Variants in PTPRD observed in about 807,000 individuals in gnomAD.
The protein encoded by PTPRD is protein tyrosine phosphatase receptor type D, also known as receptor-type tyrosine-protein phosphatase delta.
A neutral mutation model predicts 214.5 loss-of-function variants in PTPRD; 34 were observed. The observed-to-expected ratio is 0.16, with a 90% CI of 0.12 to 0.21. The LOEUF (loss-of-function observed/expected upper bound fraction) is 0.21, where lower values mean the gene tolerates loss of function less well. PTPRD is among the 10% of genes least tolerant of loss of function. The pLI, the probability that PTPRD is intolerant of heterozygous loss-of-function variation, is 1.00. For missense variants in PTPRD, 2,545 were observed against 2,398.7 expected, an observed-to-expected ratio of 1.06 and a Z score of -1.27; for synonymous variants, 1,128 against 845.7, an observed-to-expected ratio of 1.33 and a Z score of -5.79.
chr9:9,276,368 A>G (rs1256059543), intron 9 of PTPRD, among the ~76,000 whole-genome samples: 1 of 151,356 alleles, frequency 6.6e-6, no homozygotes, highest in African/African-American at 2.4e-5. Flanking sequence ...AACAACTGAG[A>G]AGAGAAGAGA....
intron 14 of PTPRD, among the ~76,000 whole-genome samples, chr9:8,555,388 C>T (rs190520747): frequency 5.9e-4 from 90 of 152,290 alleles, no homozygotes; most frequent in Non-Finnish European, 7.8e-4. Flanking sequence ...GCCTGGGCAA[C>T]AGAGAAAAAA....
chr9:9,536,023 T>C (rs1248141517), intron 8 of PTPRD, among the ~76,000 whole-genome samples: 1 of 152,068 alleles, frequency 6.6e-6, no homozygotes, highest in Admixed American at 6.6e-5. Flanking sequence ...CAGCCATACA[T>C]AGAATTTGCT....
At chr9:9,044,984 A>G (rs1364977976) in intron 10 of PTPRD, among the ~76,000 whole-genome samples, 1 of 152,218 alleles carries the variant, frequency 6.6e-6, no homozygotes, top group Non-Finnish European at 1.5e-5. Context: ...GATAATCAAC[A>G]GAAACAAGAA....
intron 9 of PTPRD, among the ~76,000 whole-genome samples, chr9:9,295,049 A>G (rs917220393): frequency 5.3e-5 from 8 of 151,782 alleles, no homozygotes; most frequent in Non-Finnish European, 1.2e-4. Context: ...GATTTTTAAA[A>G]TTATCTTAAC....
chr9:8,396,497 C>A (rs1486498347), intron 36 of PTPRD, among the ~76,000 whole-genome samples: 1 of 151,232 alleles, frequency 6.6e-6, no homozygotes, highest in Non-Finnish European at 1.5e-5. Flanking sequence ...TTAGAGTAAG[C>A]TGCATAGATG....
rs551575246 is a variant in PTPRD at position 9,091,368 on chromosome 9, T to A, written c.-142-72633A>T. The A allele has an allele frequency of 1.1e-5, 8 of 697,294 alleles. No individual in the cohort carries two copies. In the South Asian group the frequency reaches 1.2e-4, roughly 11 times the overall value. 43.2% of individuals were successfully genotyped at this position (697,294 alleles called of 1,614,324 possible). A position where few individuals can be genotyped will look rare whatever the true frequency, so the allele number is the denominator to read the frequency against. On this transcript the variant is annotated intron_variant, in intron 10 of 45. Coordinates refer to ENST00000381196, the MANE Select transcript of PTPRD (RefSeq NM_002839.4). ...ATTTTTCTGGAACTGTACATTTCTG[T>A]AAATCTCCAATCACCTTATGACTCT...
intron 2 of PTPRD, among the ~76,000 whole-genome samples, chr9:10,417,731 C>T (rs2098505845): frequency 1.3e-5 from 2 of 151,564 alleles, no homozygotes; most frequent in South Asian, 4.2e-4. Flanking sequence ...AGACCCTTCC[C>T]CATGAGAATA....
chr9:9,049,686 CA>C (rs2099680942), intron 10 of PTPRD, among the ~76,000 whole-genome samples: 1 of 151,898 alleles, frequency 6.6e-6, no homozygotes, highest in South Asian at 2.1e-4. Flanking sequence ...GTCTATACCT[CA>C]GGAACTTACA....
chr9:8,848,474 C>T (rs1252564955), intron 11 of PTPRD, among the ~76,000 whole-genome samples: 1 of 150,128 alleles, frequency 6.7e-6, no homozygotes, highest in Non-Finnish European at 1.5e-5. Flanking sequence ...TAGCTGAGAC[C>T]ACAAGTGCAC....
chr9:8,987,970 G>C (rs1439180372), intron 11 of PTPRD, among the ~76,000 whole-genome samples: 1 of 151,960 alleles, frequency 6.6e-6, no homozygotes, highest in Non-Finnish European at 1.5e-5. Flanking sequence ...TGAAGATGGA[G>C]CAATAATGGT....
chr9:8,684,130 A>G (rs2097620326), intron 12 of PTPRD, among the ~76,000 whole-genome samples: 1 of 152,132 alleles, frequency 6.6e-6, no homozygotes. Flanking sequence ...TTACTAACCT[A>G]TAGAAATCTG....
At chr9:8,556,553 A>ATTTTATATTTCTTTTTTTT (rs761184510) in intron 14 of PTPRD, among the ~76,000 whole-genome samples, 1 of 151,780 alleles carries the variant, frequency 6.6e-6, no homozygotes, top group Non-Finnish European at 1.5e-5. Context: ...ATACTTGTGT[A>ATTTTATATTTCTTTTTTTT]TTTTATATTT....
intron 21 of PTPRD, among the ~76,000 whole-genome samples, chr9:8,510,890 C>G (rs1563954801): frequency 6.6e-6 from 1 of 151,986 alleles, no homozygotes; most frequent in East Asian, 1.9e-4. Context: ...TAAGAAAACA[C>G]TTTGTTTTCT....
At position 10,258,371 on chromosome 9, in the gene PTPRD, GA is replaced by G. The variant is rs372845666; in HGVS notation, c.-545+82591del. On this transcript the variant is annotated intron_variant, in intron 3 of 45. Coordinates refer to ENST00000381196, the MANE Select transcript of PTPRD (RefSeq NM_002839.4). ...CTCACCAGGTTGCACCATGAGAAGG[GA>G]TGAAGGTAGAATATTATAACATAAG... is the stretch of plus-strand genomic sequence containing the variant. 2.7e-3 allele frequency among the ~76,000 whole-genome samples: 412 copies of G among 152,176 alleles called. 1 individual carries two copies. The highest frequency in any genetic ancestry group is 4.3e-3 in the Non-Finnish European group (295 of 68,014).
At chr9:10,411,582 G>C (rs561372803) in intron 2 of PTPRD, among the ~76,000 whole-genome samples, 1 of 151,740 alleles carries the variant, frequency 6.6e-6, no homozygotes, top group African/African-American at 2.4e-5. Flanking sequence ...TTAACCCCTT[G>C]AATTAGACTT....
intron 7 of PTPRD, among the ~76,000 whole-genome samples, chr9:9,669,917 T>C (rs1040042518): frequency 6.6e-6 from 1 of 152,158 alleles, no homozygotes; most frequent in African/African-American, 2.4e-5. Context: ...TCAACGACTG[T>C]AAAGTTATTA....
chr9:10,071,030 AT>A (rs1268198648), intron 3 of PTPRD, among the ~76,000 whole-genome samples: 1 of 152,078 alleles, frequency 6.6e-6, no homozygotes, highest in Non-Finnish European at 1.5e-5. Flanking sequence ...TAGTACAAAA[AT>A]CAAATACGTG....
chr9:9,902,687 G>A (rs1008050753), intron 5 of PTPRD, among the ~76,000 whole-genome samples: 20 of 152,046 alleles, frequency 1.3e-4, no homozygotes, highest in Admixed American at 1.1e-3. Context: ...CAAAATCATG[G>A]GGTGATGATG....
At chr9:8,575,667 A>C (rs1349416079) in intron 14 of PTPRD, among the ~76,000 whole-genome samples, 2 of 152,202 alleles carry the variant, frequency 1.3e-5, no homozygotes, top group African/African-American at 2.4e-5. Context: ...TTACAATGTC[A>C]GAAAAACAAG....
Sources: gnomAD v4.1 joint callset for allele counts (sites outside exome capture counted in the v4.1 genomes callset) on GRCh38, gnomAD v4.1.1 for gene constraint, MANE v1.5 for transcripts, NCBI Gene and HGNC (gene_info 2026-07-23, HGNC 2026-07-21) for gene names.